Variants in SLC35B4 observed in about 807,000 individuals in gnomAD.
The protein encoded by SLC35B4 is solute carrier family 35 member B4.
A neutral mutation model predicts 39.5 loss-of-function variants in SLC35B4; 28 were observed. The observed-to-expected ratio is 0.71, with a 90% CI of 0.53 to 0.97. The LOEUF (loss-of-function observed/expected upper bound fraction) is 0.97. Ranked by LOEUF, SLC35B4 falls within the 50% of genes least tolerant of loss-of-function variation. The pLI is 0.00. For missense variants in SLC35B4, 334 were observed against 414.3 expected, an observed-to-expected ratio of 0.81 and a Z score of 1.68; for synonymous variants, 145 against 150.4, an observed-to-expected ratio of 0.96 and a Z score of 0.26.
At chr7:134,317,753 T>G (rs1804023771), upstream of SLC35B4, among the ~76,000 whole-genome samples, 2 of 148,960 alleles carry the variant, frequency 1.3e-5, no homozygotes, top group South Asian at 4.1e-4. Context: ...TCTTACTTAC[T>G]CAATGAACAA....
intron 2 of SLC35B4, among the ~76,000 whole-genome samples, chr7:134,309,068 G>A (rs1245942497): frequency 6.6e-6 from 1 of 152,156 alleles, no homozygotes; most frequent in Admixed American, 6.5e-5. Flanking sequence ...ACAGAAGACA[G>A]CACAAAATTT....
chr7:134,301,735 A>G, intron 6 of SLC35B4, 26 bp downstream of exon 6: 1 of 1,604,026 alleles, frequency 6.2e-7, no homozygotes, highest in South Asian at 1.1e-5. Flanking sequence ...AGAGGCAATT[A>G]GCTTTATTAT....
Position 134,294,689 on chromosome 7 carries a change from G to C in SLC35B4, c.*144C>G. On this transcript the variant is annotated 3_prime_UTR_variant, in exon 10 of 10. Transcript: ENST00000378509. The stretch of plus-strand genomic sequence containing the variant: ...CTACATGTGTCAGTCTGAGCAACGT[G>C]AGAAGTCCCCTCCTGAAGATTTCCT... 1 of 1,007,438 alleles carries C rather than the reference G, an allele frequency of 9.9e-7. No individual in the cohort carries two copies. Among genetic ancestry groups the C allele is most frequent in the Non-Finnish European group, 1.4e-6 (1 of 699,028 alleles). The allele number at this position is 1,007,438 out of a possible 1,614,324, so 62.4% of individuals were successfully genotyped here.
At chr7:134,295,267 G>C (rs1803436977) in intron 9 of SLC35B4, 188 bp from the exon 10 acceptor site, 1 of 660,636 alleles carries the variant, frequency 1.5e-6, no homozygotes, top group South Asian at 2.1e-5. Context: ...TCCATTTATG[G>C]GTACCAATTT....
At chr7:134,313,590 T>C (rs556292865) in intron 1 of SLC35B4, among the ~76,000 whole-genome samples, 1 of 152,340 alleles carries the variant, frequency 6.6e-6, no homozygotes, top group South Asian at 2.1e-4. Context: ...TTGTGTTTTA[T>C]TATTGGTCCC....
At chr7:134,320,137 A>C (rs1237380346), upstream of SLC35B4, among the ~76,000 whole-genome samples, 1 of 152,226 alleles carries the variant, frequency 6.6e-6, no homozygotes, top group Non-Finnish European at 1.5e-5. Context: ...AAAAAAACCC[A>C]CACACTGTAT....
intron 8 of SLC35B4, among the ~76,000 whole-genome samples, chr7:134,297,911 T>A (rs1332830562): frequency 6.6e-6 from 1 of 152,110 alleles, no homozygotes; most frequent in Non-Finnish European, 1.5e-5. Flanking sequence ...ACTCTCACTC[T>A]TATGTTAGCT....
At chr7:134,317,334 A>G (rs1804012202), upstream of SLC35B4, among the ~76,000 whole-genome samples, 1 of 152,132 alleles carries the variant, frequency 6.6e-6, no homozygotes, top group African/African-American at 2.4e-5. Flanking sequence ...TGGTGACTCT[A>G]TTATGCTGCC....
intron 1 of SLC35B4, among the ~76,000 whole-genome samples, chr7:134,313,812 T>C (rs1463346738): frequency 6.6e-6 from 1 of 152,234 alleles, no homozygotes; most frequent in Non-Finnish European, 1.5e-5. Context: ...TCCACTGTGA[T>C]GTCCCAAGAT....
intron 4 of SLC35B4, 90 bp downstream of exon 4, chr7:134,304,715 A>AT: frequency 2.0e-6 from 2 of 1,018,820 alleles, no homozygotes; most frequent in Non-Finnish European, 3.0e-6. Context: ...ACTTATCACT[A>AT]TTTTGGGACA....
At chr7:134,303,044 A>G (rs1324414390) in intron 4 of SLC35B4, among the ~76,000 whole-genome samples, 1 of 152,230 alleles carries the variant, frequency 6.6e-6, no homozygotes, top group Non-Finnish European at 1.5e-5. Flanking sequence ...GGCATGGGTA[A>G]GGTGAATATA....
At chr7:134,319,528 C>T (rs1643032), upstream of SLC35B4, among the ~76,000 whole-genome samples, 20,464 of 152,140 alleles carry the variant, frequency 0.13, 3,410 homozygotes, top group African/African-American at 0.39. Flanking sequence ...TCCCTCCTCT[C>T]ATTGCCCTGC....
In SLC35B4 at chr7:134,300,197, G is replaced by A; in HGVS notation, c.552C>T (p.Leu184=). ...SARMGIFQET[L]YKRFGKHSKE... is the part of the protein sequence containing the mutation. ...TGGAGTGTTTCCCAAATCGTTTGTA[G>A]AGAGTCTCTTGGAATATCCCCATCC... The change falls in exon 7 of 10, where the codon CTC becomes CTT. Residue 184 remains leucine (L), a synonymous_variant. Coordinates refer to ENST00000378509, the MANE Select transcript of SLC35B4 (RefSeq NM_032826.5). The A allele has an allele frequency of 4.3e-6, 7 of 1,612,960 alleles. No homozygotes were observed. The highest frequency in any genetic ancestry group is 1.6e-4 in the Middle Eastern group (1 of 6,062).
At chr7:134,303,091 A>G (rs1803625239) in intron 4 of SLC35B4, among the ~76,000 whole-genome samples, 1 of 152,204 alleles carries the variant, frequency 6.6e-6, no homozygotes, top group South Asian at 2.1e-4. Context: ...GGAGCACACT[A>G]TGAACTTGAG....
intron 4 of SLC35B4, among the ~76,000 whole-genome samples, chr7:134,303,701 T>C (rs1291446205): frequency 6.6e-6 from 1 of 152,212 alleles, no homozygotes; most frequent in Non-Finnish European, 1.5e-5. Context: ...GGGCTGGATA[T>C]CAAATACATT....
rs764999595 is a variant in SLC35B4, at chr7:134,309,531, G to T, written c.78-52C>A. ...GTGAAGGCACAAAAACTGAGATACA[G>T]AACACTAAAATGCATTCTAATTAGA... On this transcript the variant is annotated intron_variant, in intron 1 of 9. Transcript: ENST00000378509. The T allele has an allele frequency of 6.4e-6, 8 of 1,240,990 alleles. 1 individual carries two copies. The South Asian group carries it at 7.6e-5, about 12-fold the overall frequency. 76.9% of individuals were successfully genotyped at this position (1,240,990 alleles called of 1,614,324 possible).
intron 7 of SLC35B4, 126 bp downstream of exon 7, chr7:134,300,026 T>C: frequency 1.5e-6 from 1 of 658,132 alleles, no homozygotes. Context: ...TGCTTCAGTC[T>C]GTGGGTCTCA....
At position 134,292,121 on chromosome 7, in the gene SLC35B4, A is replaced by G. The variant is rs1324412046; in HGVS notation, c.*2712T>C. 1.3e-5 allele frequency: 2 copies of G among 154,820 alleles called. No individual in the cohort carries two copies. Among genetic ancestry groups the G allele is most frequent in the Non-Finnish European group, 2.9e-5 (2 of 68,212 alleles). 9.6% of individuals were successfully genotyped at this position (154,820 alleles called of 1,614,324 possible). A position where few individuals can be genotyped will look rare whatever the true frequency, so the allele number is the denominator to read the frequency against. On this transcript the variant is annotated 3_prime_UTR_variant, in exon 10 of 10. Transcript: ENST00000378509. ...CATGGTCTTGACCCAGAGAAAGAGGAGAGACATTTAATAGACATTTCTCTT... is the reference window on the plus strand; with the variant it reads ...CATGGTCTTGACCCAGAGAAAGAGGGGAGACATTTAATAGACATTTCTCTT...
At chr7:134,304,592 C>T (rs771603038) in intron 4 of SLC35B4, among the ~76,000 whole-genome samples, 51 of 152,024 alleles carry the variant, frequency 3.4e-4, no homozygotes, top group African/African-American at 8.0e-4. Flanking sequence ...CTATTCAGTT[C>T]GACACAGAGA....
Sources: gnomAD v4.1 joint callset for allele counts (sites outside exome capture counted in the v4.1 genomes callset) on GRCh38, gnomAD v4.1.1 for gene constraint, MANE v1.5 for transcripts, NCBI Gene and HGNC (gene_info 2026-07-23, HGNC 2026-07-21) for gene names.